Variants in TMTC1 observed in about 807,000 individuals in gnomAD.
TMTC1 encodes transmembrane O-mannosyltransferase targeting cadherins 1.
Under a neutral mutation model 104.8 loss-of-function variants are expected in TMTC1, and 73 were observed. The ratio of observed to expected loss-of-function variants is 0.70; its 90% CI spans 0.58 to 0.85. The LOEUF (loss-of-function observed/expected upper bound fraction) is 0.85. Ranked by LOEUF, TMTC1 falls within the 40% of genes least tolerant of loss-of-function variation. TMTC1 has a pLI of 0.00. For synonymous variants in TMTC1, 434 were observed against 428.7 expected, an observed-to-expected ratio of 1.01 and a Z score of -0.15; for missense variants, 1,035 against 1,096.1, an observed-to-expected ratio of 0.94 and a Z score of 0.79.
chr12:29,729,082 C>G (rs1384540627), intron 5 of TMTC1, among the ~76,000 whole-genome samples: 3 of 151,660 alleles, frequency 2.0e-5, no homozygotes, highest in East Asian at 1.9e-4. Context: ...GAGACAAACT[C>G]CCAAGTTCAA....
intron 9 of TMTC1, among the ~76,000 whole-genome samples, chr12:29,557,680 C>G (rs1485186066): frequency 6.6e-6 from 1 of 152,058 alleles, no homozygotes. Flanking sequence ...GAACCCCTGA[C>G]CTCAGGTGAT....
At chr12:29,702,004 C>G (rs1001228819) in intron 5 of TMTC1, among the ~76,000 whole-genome samples, 2 of 152,122 alleles carry the variant, frequency 1.3e-5, no homozygotes, top group East Asian at 3.9e-4. Context: ...GATAATAATA[C>G]TGAGTTAACT....
At chr12:29,527,444 G>C (rs1030891808) in intron 11 of TMTC1, among the ~76,000 whole-genome samples, 15 of 152,290 alleles carry the variant, frequency 9.8e-5, no homozygotes, top group South Asian at 6.2e-4. Context: ...AAGGTATGTG[G>C]GGGGCAGCCA....
At chr12:29,713,304 C>T (rs1189237322) in intron 5 of TMTC1, among the ~76,000 whole-genome samples, 2 of 133,212 alleles carry the variant, frequency 1.5e-5, no homozygotes, top group Admixed American at 7.3e-5. Flanking sequence ...AACACATACA[C>T]ACACACACAC....
intron 3 of TMTC1, among the ~76,000 whole-genome samples, chr12:29,757,281 C>T (rs1246017979): frequency 6.6e-6 from 1 of 152,198 alleles, no homozygotes; most frequent in African/African-American, 2.4e-5. Flanking sequence ...CATAGCCCCA[C>T]TGGCATTTTC....
intron 5 of TMTC1, among the ~76,000 whole-genome samples, chr12:29,741,831 A>G (rs1002951516): frequency 6.6e-6 from 1 of 152,190 alleles, no homozygotes; most frequent in South Asian, 2.1e-4. Flanking sequence ...TCGGCACCCA[A>G]TTTCGACTTA....
chr12:29,753,240 ACT>A (rs1316088360), intron 4 of TMTC1, among the ~76,000 whole-genome samples: 1 of 151,912 alleles, frequency 6.6e-6, no homozygotes, highest in African/African-American at 2.4e-5. Context: ...CTTGTGTAAA[ACT>A]CTGTGTATAT....
At chr12:29,714,252 C>T (rs1185650256) in intron 5 of TMTC1, among the ~76,000 whole-genome samples, 2 of 152,210 alleles carry the variant, frequency 1.3e-5, no homozygotes, top group Non-Finnish European at 2.9e-5. Flanking sequence ...GTGGCCAGCG[C>T]AGCTTGCAAT....
chr12:29,682,132 A>G (rs1236389820), intron 5 of TMTC1, among the ~76,000 whole-genome samples: 2 of 152,220 alleles, frequency 1.3e-5, no homozygotes, highest in East Asian at 3.8e-4. Context: ...ATATATACAA[A>G]TAGCCAATAG....
rs188414316 is a variant in TMTC1, at chr12:29,697,654, C to T, written c.938+54012G>A. On this transcript the variant is annotated intron_variant, in intron 5 of 17. Coordinates refer to ENST00000539277, the MANE Select transcript of TMTC1 (RefSeq NM_001193451.2). ...GCCAGGGTTCTAGCCCAAGGACTGG[C>T]GGGCCAAAGACACAGGAGAGTCAAT... Among the ~76,000 whole-genome samples the T allele has an allele frequency of 1.5e-3, 229 of 152,244 alleles. 3 individuals are homozygous for T. The highest frequency in any genetic ancestry group is 5.3e-3 in the African/African-American group (221 of 41,544).
At chr12:29,725,190 G>A (rs117692450) in intron 5 of TMTC1, among the ~76,000 whole-genome samples, 3,570 of 144,116 alleles carry the variant, frequency 0.025, 63 homozygotes, top group Non-Finnish European at 0.036. Flanking sequence ...GCTAATTTTT[G>A]TTTTGTTTTT....
At chr12:29,513,888 C>T (rs1046499532) in intron 16 of TMTC1, among the ~76,000 whole-genome samples, 2 of 151,672 alleles carry the variant, frequency 1.3e-5, no homozygotes, top group Admixed American at 1.3e-4. Flanking sequence ...CACACAGAGA[C>T]ACACACACAC....
At chr12:29,732,905 T>C (rs1252664376) in intron 5 of TMTC1, among the ~76,000 whole-genome samples, 1 of 152,122 alleles carries the variant, frequency 6.6e-6, no homozygotes, top group Non-Finnish European at 1.5e-5. Flanking sequence ...CTTATCCACA[T>C]AATTTCATTA....
chr12:29,525,968 A>C (rs1944332095), intron 11 of TMTC1, among the ~76,000 whole-genome samples: 1 of 152,210 alleles, frequency 6.6e-6, no homozygotes, highest in African/African-American at 2.4e-5. Flanking sequence ...CTACTATTAC[A>C]GCCATCAGAT....
chr12:29,774,759 C>A (rs1486545393), intron 1 of TMTC1, among the ~76,000 whole-genome samples: 3 of 152,202 alleles, frequency 2.0e-5, no homozygotes, highest in Admixed American at 6.5e-5. Context: ...ATTTTGGTTG[C>A]TCTTCTTCTG....
At chr12:29,776,921 C>A (rs1226499496) in intron 1 of TMTC1, among the ~76,000 whole-genome samples, 1 of 152,154 alleles carries the variant, frequency 6.6e-6, no homozygotes, top group African/African-American at 2.4e-5. Context: ...GTGCAAAGAA[C>A]AAGGGCTCTG....
At chr12:29,605,683 T>C (rs933425466) in intron 6 of TMTC1, among the ~76,000 whole-genome samples, 1 of 152,228 alleles carries the variant, frequency 6.6e-6, no homozygotes, top group Non-Finnish European at 1.5e-5. Context: ...TTTGAGAATT[T>C]AAACTGTATA....
chr12:29,551,787 C>CTTT (rs34656608), intron 10 of TMTC1, among the ~76,000 whole-genome samples: 1 of 139,236 alleles, frequency 7.2e-6, no homozygotes, highest in African/African-American at 2.6e-5. Context: ...TTTCTTTCTT[C>CTTT]TTTTTTTTTT....
rs560757070 is a variant in TMTC1, at chr12:29,711,833, G to A, written c.938+39833C>T. Among the ~76,000 whole-genome samples the A allele has an allele frequency of 2.6e-5, 4 of 151,762 alleles. No homozygotes were observed. In the East Asian group the frequency reaches 7.8e-4, roughly 29 times the overall value. ...ATCCTGGCTAACACAGTGAAACCCC[G>A]TCTCTACTAAAAATACAAAAAAAAT... On this transcript the variant is annotated intron_variant, in intron 5 of 17. Transcript: ENST00000539277.
Sources: gnomAD v4.1 joint callset for allele counts (sites outside exome capture counted in the v4.1 genomes callset) on GRCh38, gnomAD v4.1.1 for gene constraint, MANE v1.5 for transcripts, NCBI Gene and HGNC (gene_info 2026-07-23, HGNC 2026-07-21) for gene names.